The following PHF2 variants were observed in gnomAD, a reference collection of about 807,000 sequenced individuals.
The protein encoded by PHF2 is PHD finger protein 2, also known as lysine-specific demethylase PHF2.
PHF2 carries 27 observed loss-of-function variants against 120.5 expected under a neutral mutation model. The observed-to-expected ratio is 0.22, with a 90% CI of 0.17 to 0.31. The LOEUF is 0.31. Among genes scored for constraint, PHF2 ranks in the 10% least tolerant of loss-of-function variants. The probability of loss-of-function intolerance (pLI) is 1.00; values close to 1 mark genes in which losing one functional copy is unlikely to be tolerated. For missense variants in PHF2, 1,024 were observed against 1,434.8 expected (o/e 0.71, Z 4.63); for synonymous variants, 568 against 592.5 (o/e 0.96, Z 0.60).
At chr9:93,630,388 G>T (rs897955417) in intron 2 of PHF2, among the ~76,000 whole-genome samples, 2 of 152,224 alleles carry the variant, frequency 1.3e-5, no homozygotes, top group South Asian at 4.1e-4. Context: ...GTGATGCGGG[G>T]GTTTTCTAGG....
At chr9:93,640,131 T>TC (rs1259127860) in intron 3 of PHF2, among the ~76,000 whole-genome samples, 3 of 151,874 alleles carry the variant, frequency 2.0e-5, no homozygotes, top group African/African-American at 7.3e-5. Flanking sequence ...TTTGGTTTTT[T>TC]TTGCAGTTCA....
intron 7 of PHF2, among the ~76,000 whole-genome samples, chr9:93,655,680 C>T (rs1162866603): frequency 6.6e-6 from 1 of 152,242 alleles, no homozygotes; most frequent in Admixed American, 6.5e-5. Flanking sequence ...GTCTCAGACA[C>T]AGCCTCTCCC....
intron 1 of PHF2, among the ~76,000 whole-genome samples, chr9:93,622,140 G>T (rs938793535): frequency 6.6e-6 from 1 of 152,162 alleles, no homozygotes; most frequent in Non-Finnish European, 1.5e-5. Context: ...CACAGGGAGG[G>T]GTGAGGCCTG....
In PHF2 at chr9:93,679,409, C is replaced by CT. The variant is rs762520158; in HGVS notation, c.*1741dup. On this transcript the variant is annotated 3_prime_UTR_variant, in exon 22 of 22. Transcript: ENST00000359246. ...GGACATCAAGCTGTTCTCTCTCTCT[C>CT]TTTTTTTTAATTTTATTATTATTAT... 4 of 323,994 alleles carry CT rather than the reference C, an allele frequency of 1.2e-5. No individual in the cohort carries two copies. The highest frequency in any genetic ancestry group is 4.6e-5 in the Admixed American group (1 of 21,580). 20.1% of individuals were successfully genotyped at this position (323,994 alleles called of 1,614,324 possible).
chr9:93,616,609 GAA>G (rs74312821), intron 1 of PHF2, among the ~76,000 whole-genome samples: 47,162 of 151,686 alleles, frequency 0.31, 8,091 homozygotes, highest in South Asian at 0.61. Context: ...CTCTGGGAGT[GAA>G]AGAGGCCACT....
chr9:93,586,675 T>G (rs1436488032), intron 1 of PHF2, among the ~76,000 whole-genome samples: 1 of 152,124 alleles, frequency 6.6e-6, no homozygotes, highest in African/African-American at 2.4e-5. Flanking sequence ...GTGCTAGGAG[T>G]CAAGAGGTTT....
chr9:93,673,957 G>A (rs566977630), intron 18 of PHF2, 95 bp downstream of exon 18: 147 of 1,349,384 alleles, frequency 1.1e-4, no homozygotes, highest in Admixed American at 4.1e-4. Context: ...AGCTCTCCAA[G>A]TTACAGCAGG....
chr9:93,594,687 C>A (rs1564374534), intron 1 of PHF2, among the ~76,000 whole-genome samples: 1 of 152,212 alleles, frequency 6.6e-6, no homozygotes, highest in East Asian at 1.9e-4. Flanking sequence ...ACATTGGGAC[C>A]TTGTGCCTAA....
At chr9:93,591,956 A>G (rs970987457) in intron 1 of PHF2, among the ~76,000 whole-genome samples, 1 of 152,220 alleles carries the variant, frequency 6.6e-6, no homozygotes, top group African/African-American at 2.4e-5. Context: ...GCCCGAGGGC[A>G]TTGCTGGGAG....
intron 1 of PHF2, among the ~76,000 whole-genome samples, chr9:93,590,972 C>T (rs1564373153): frequency 6.6e-6 from 1 of 152,254 alleles, no homozygotes. Flanking sequence ...TGGGTGGCTC[C>T]CCAACTTGAG....
At chr9:93,674,643 T>G (rs10992853) in intron 18 of PHF2, among the ~76,000 whole-genome samples, 51,182 of 152,042 alleles carry the variant, frequency 0.34, 9,050 homozygotes, top group Non-Finnish European at 0.39. Flanking sequence ...TTGCAGGCAC[T>G]GGGGCTAGGC....
chr9:93,658,882 C>T (rs1266702068), intron 10 of PHF2, among the ~76,000 whole-genome samples: 1 of 152,202 alleles, frequency 6.6e-6, no homozygotes, highest in East Asian at 1.9e-4. Flanking sequence ...AGCATCTTCC[C>T]TTGGTTTTGG....
chr9:93,674,906 C>A, intron 18 of PHF2, 21 bp from the exon 19 acceptor site: 1 of 1,596,072 alleles, frequency 6.3e-7, no homozygotes, highest in Non-Finnish European at 8.6e-7. Context: ...CGGGCCACGC[C>A]TTCCCTCTGC....
chr9:93,630,558 C>T (rs1288705754), intron 2 of PHF2, among the ~76,000 whole-genome samples: 4 of 152,184 alleles, frequency 2.6e-5, no homozygotes, highest in Admixed American at 2.6e-4. Context: ...TCTTGGAGGG[C>T]CCTTGCCTTT....
At chr9:93,652,293 T>A (rs1336510410) in intron 5 of PHF2, among the ~76,000 whole-genome samples, 1 of 67,554 alleles carries the variant, frequency 1.5e-5, no homozygotes, top group Non-Finnish European at 3.8e-5. Flanking sequence ...AGCTTGACTT[T>A]TTTTTTTTTT....
At chr9:93,589,345 C>A (rs1036300000) in intron 1 of PHF2, among the ~76,000 whole-genome samples, 18 of 152,114 alleles carry the variant, frequency 1.2e-4, no homozygotes, top group African/African-American at 4.1e-4. Flanking sequence ...AGCCTCTGCA[C>A]GGCTGACGTC....
At chr9:93,627,206 A>G (rs1825927072) in intron 1 of PHF2, among the ~76,000 whole-genome samples, 1 of 152,172 alleles carries the variant, frequency 6.6e-6, no homozygotes, top group African/African-American at 2.4e-5. Context: ...TGCATCTCCT[A>G]GGTTAAATTT....
chr9:93,591,480 C>T (rs1028087490), intron 1 of PHF2, among the ~76,000 whole-genome samples: 2 of 152,172 alleles, frequency 1.3e-5, no homozygotes, highest in South Asian at 2.1e-4. Flanking sequence ...GGACTGGGGG[C>T]GTCTCAGGGA....
chr9:93,600,425 A>G (rs1825419096), intron 1 of PHF2, among the ~76,000 whole-genome samples: 1 of 152,208 alleles, frequency 6.6e-6, no homozygotes, highest in Non-Finnish European at 1.5e-5. Context: ...GGGGACCCAC[A>G]TTACCTTAGC....
Sources: gnomAD v4.1 joint callset for allele counts (sites outside exome capture counted in the v4.1 genomes callset) on GRCh38, gnomAD v4.1.1 for gene constraint, MANE v1.5 for transcripts, NCBI Gene and HGNC (gene_info 2026-07-23, HGNC 2026-07-21) for gene names.